ARHGAP28: variants seen among roughly 807,000 people sequenced by gnomAD.
ARHGAP28 encodes the protein rho GTPase-activating protein 28.
A neutral mutation model predicts 90.7 loss-of-function variants in ARHGAP28; 56 were observed. The ratio of observed to expected loss-of-function variants is 0.62; its 90% CI spans 0.50 to 0.77. ARHGAP28 has a LOEUF of 0.77. Ranked by LOEUF, ARHGAP28 falls within the 30% of genes least tolerant of loss-of-function variation. The pLI, the probability that ARHGAP28 is intolerant of heterozygous loss-of-function variation, is 0.00. For synonymous variants in ARHGAP28, 308 were observed against 323.3 expected, an observed-to-expected ratio of 0.95 and a Z score of 0.51; for missense variants, 869 against 900.9, an observed-to-expected ratio of 0.96 and a Z score of 0.45.
intron 1 of ARHGAP28, among the ~76,000 whole-genome samples, chr18:6,806,694 T>G (rs2056521461): frequency 6.6e-6 from 1 of 152,130 alleles, no homozygotes; most frequent in Non-Finnish European, 1.5e-5. Flanking sequence ...ACCTTGAACT[T>G]ACTGTTCCTT....
chr18:6,737,334 G>A (rs2055937528), intron 1 of ARHGAP28, among the ~76,000 whole-genome samples: 1 of 152,132 alleles, frequency 6.6e-6, no homozygotes, highest in Admixed American at 6.5e-5. Flanking sequence ...CTATTGAGAT[G>A]TGTAAGTTTG....
At chr18:6,771,069 C>T (rs540975169) in intron 1 of ARHGAP28, among the ~76,000 whole-genome samples, 2 of 152,096 alleles carry the variant, frequency 1.3e-5, no homozygotes, top group South Asian at 4.2e-4. Flanking sequence ...CAGGGTTTTG[C>T]TCTGTCACCC....
chr18:6,861,715 A>G (rs2057000184), intron 5 of ARHGAP28, among the ~76,000 whole-genome samples: 1 of 152,174 alleles, frequency 6.6e-6, no homozygotes, highest in Non-Finnish European at 1.5e-5. Context: ...CTCCATGGCC[A>G]CAATTTTATT....
chr18:6,876,363 C>G (rs2057131116), intron 10 of ARHGAP28, among the ~76,000 whole-genome samples, 155 bp downstream of exon 10: 1 of 152,026 alleles, frequency 6.6e-6, no homozygotes, highest in Non-Finnish European at 1.5e-5. Flanking sequence ...AATGTTTGTT[C>G]CAGAGTTTTT....
chr18:6,815,839 C>T (rs2056586680), intron 1 of ARHGAP28, among the ~76,000 whole-genome samples: 1 of 151,700 alleles, frequency 6.6e-6, no homozygotes, highest in African/African-American at 2.4e-5. Flanking sequence ...GTTCCCATTA[C>T]TTGCATAGTG....
chr18:6,758,726 T>G (rs891445981), intron 1 of ARHGAP28, among the ~76,000 whole-genome samples: 7 of 152,222 alleles, frequency 4.6e-5, no homozygotes, highest in Non-Finnish European at 7.3e-5. Flanking sequence ...GTTAAACATT[T>G]GTAGGTAGAC....
chr18:6,735,570 T>C (rs2055919292), intron 1 of ARHGAP28, among the ~76,000 whole-genome samples: 1 of 151,904 alleles, frequency 6.6e-6, no homozygotes, highest in African/African-American at 2.4e-5. Flanking sequence ...TTTTTTTTTT[T>C]TTGAGCCAAG....
chr18:6,747,328 G>A (rs949909421), intron 1 of ARHGAP28, among the ~76,000 whole-genome samples: 1 of 152,074 alleles, frequency 6.6e-6, no homozygotes, highest in Non-Finnish European at 1.5e-5. Context: ...GAAGGTAGAC[G>A]GTAGGGAGAG....
At chr18:6,863,888 T>C (rs564763744) in intron 5 of ARHGAP28, among the ~76,000 whole-genome samples, 12 of 151,516 alleles carry the variant, frequency 7.9e-5, no homozygotes, top group Admixed American at 5.9e-4. Context: ...GTTCAAGCGA[T>C]TGTCCTTCCT....
intron 1 of ARHGAP28, among the ~76,000 whole-genome samples, chr18:6,805,879 T>C (rs7236304): frequency 0.037 from 5,655 of 151,934 alleles, 345 homozygotes; most frequent in African/African-American, 0.13. Context: ...TTGCTTTATA[T>C]TTTTCCTTTT....
intron 1 of ARHGAP28, among the ~76,000 whole-genome samples, chr18:6,751,937 C>T (rs1329281121): frequency 1.3e-5 from 2 of 151,954 alleles, no homozygotes; most frequent in Admixed American, 6.6e-5. Flanking sequence ...AAGTACCTTC[C>T]GTTTTTGAAG....
intron 1 of ARHGAP28, among the ~76,000 whole-genome samples, chr18:6,770,169 T>C (rs546321307): frequency 6.6e-6 from 1 of 152,358 alleles, no homozygotes; most frequent in African/African-American, 2.4e-5. Context: ...TATTTGTTCC[T>C]TTTAGTCATG....
rs866925130 is a variant in ARHGAP28 at position 6,913,378 on chromosome 18, C to A, written c.*1224C>A. ...TCGAGACTATGGATATAGTCCTTCT[C>A]AGATTAGCTGGAAATGGGGACAGAG... On this transcript the variant is annotated 3_prime_UTR_variant, in exon 18 of 18. Coordinates refer to ENST00000383472, the MANE Select transcript of ARHGAP28 (RefSeq NM_001366230.1). 1 of 152,114 alleles carries A rather than the reference C, an allele frequency of 6.6e-6. No individual in the cohort carries two copies. The highest frequency in any genetic ancestry group is 2.1e-4 in the South Asian group (1 of 4,816). The allele number at this position is 152,114 out of a possible 1,614,324, so 9.4% of individuals were successfully genotyped here.
At chr18:6,884,774 C>T (rs2057207467) in intron 11 of ARHGAP28, among the ~76,000 whole-genome samples, 1 of 152,138 alleles carries the variant, frequency 6.6e-6, no homozygotes. Context: ...CTCTGGATCA[C>T]TCATTTGTTT....
At chr18:6,834,315 C>T (rs2056736692) in intron 2 of ARHGAP28, among the ~76,000 whole-genome samples, 1 of 152,106 alleles carries the variant, frequency 6.6e-6, no homozygotes, top group South Asian at 2.1e-4. Context: ...AGGACATGAC[C>T]TTATCTTGAT....
intron 1 of ARHGAP28, among the ~76,000 whole-genome samples, chr18:6,738,889 C>T (rs1346805948): frequency 2.0e-5 from 3 of 152,174 alleles, no homozygotes; most frequent in Non-Finnish European, 4.4e-5. Context: ...TGCCATCTAC[C>T]ACCATAATGC....
chr18:6,779,681 AC>A (rs1167206498), intron 1 of ARHGAP28, among the ~76,000 whole-genome samples: 1 of 152,216 alleles, frequency 6.6e-6, no homozygotes, highest in African/African-American at 2.4e-5. Context: ...GACAGCAGAA[AC>A]ATCTGCCTAT....
intron 1 of ARHGAP28, among the ~76,000 whole-genome samples, chr18:6,815,651 A>T (rs2056585275): frequency 6.6e-6 from 1 of 152,162 alleles, no homozygotes; most frequent in Non-Finnish European, 1.5e-5. Flanking sequence ...GAAACAGATT[A>T]TATTTCAGTT....
At chr18:6,854,512 C>T (rs1434492837) in intron 4 of ARHGAP28, among the ~76,000 whole-genome samples, 2 of 152,050 alleles carry the variant, frequency 1.3e-5, no homozygotes, top group Non-Finnish European at 2.9e-5. Flanking sequence ...TCTTTTTCTC[C>T]CCATTCCCAC....
Sources: gnomAD v4.1 joint callset for allele counts (sites outside exome capture counted in the v4.1 genomes callset) on GRCh38, gnomAD v4.1.1 for gene constraint, MANE v1.5 for transcripts, NCBI Gene and HGNC (gene_info 2026-07-23, HGNC 2026-07-21) for gene names.